TLCD3B: variants seen among roughly 807,000 people sequenced by gnomAD.
The protein encoded by TLCD3B is ceramide synthase.
A neutral mutation model predicts 23.0 loss-of-function variants in TLCD3B; 9 were observed. The ratio of observed to expected loss-of-function variants is 0.39; its 90% CI spans 0.24 to 0.68. TLCD3B has a LOEUF of 0.68. Ranked by LOEUF, TLCD3B falls within the 30% of genes least tolerant of loss-of-function variation. The pLI is 0.44. For synonymous variants in TLCD3B, 161 were observed against 161.0 expected (o/e 1.00, Z 0.00); for missense variants, 307 against 371.8 (o/e 0.83, Z 1.43).
At position 30,025,178 on chromosome 16, in the gene TLCD3B, C is replaced by T. The variant is rs1166945823; in HGVS notation, c.*5G>A. 5 of 1,442,804 alleles carry T rather than the reference C, an allele frequency of 3.5e-6. No homozygotes were observed. Among genetic ancestry groups the T allele is most frequent in the Admixed American group, 2.9e-5 (1 of 34,286 alleles). 89.4% of individuals were successfully genotyped at this position (1,442,804 alleles called of 1,614,324 possible). ...TGGGGAGGGGGAGGGTCCCGGCCCC[C>T]GGCCTCAGTCCTGGGCCTGGCAGGC... On this transcript the variant is annotated 3_prime_UTR_variant, in exon 5 of 5. Transcript: ENST00000380495. The surrounding 1 kb of genome is among the most constrained non-coding windows in gnomAD (Gnocchi z 4.1).
chr16:30,047,762 A>C (rs2071695909), intron 1 of TLCD3B, among the ~76,000 whole-genome samples: 1 of 108,384 alleles, frequency 9.2e-6, no homozygotes, highest in African/African-American at 3.7e-5. Context: ...CGTGGCCTAT[A>C]ATTTTTTTTT....
chr16:30,043,571 G>A (rs1367246717), intron 2 of TLCD3B, among the ~76,000 whole-genome samples: 1 of 152,066 alleles, frequency 6.6e-6, no homozygotes. Context: ...TTGAGGCACA[G>A]AGAGGTTGTG....
At position 30,030,499 on chromosome 16, in the gene TLCD3B, A is replaced by C. The variant is rs1596749912; in HGVS notation, c.29T>G (p.Val10Gly). Residue 10 changes from valine (V) to glycine (G), a missense_variant, in exon 1 of 5, where the codon GTG (valine) becomes GGG (glycine). By Grantham distance (109) the Val-to-Gly change is moderately radical. Transcript: ENST00000380495. MLTPMVAGG[V>G]VFPGLFLLSK... ...GAGGAGGAAGAGTCCGGGGAACACC[A>C]CCCCCCCGGCCACCATCGGGGTCAG... 2.5e-6 allele frequency: 4 copies of C among 1,583,496 alleles called. No homozygotes were observed. The highest frequency in any genetic ancestry group is 1.1e-5 in the South Asian group (1 of 87,172).
chr16:30,025,569 C>A lies in TLCD3B; in HGVS notation c.541-102G>T. 1 of 1,539,618 alleles carries A rather than the reference C, an allele frequency of 6.5e-7. No homozygotes were observed. Among genetic ancestry groups the A allele is most frequent in the South Asian group, 1.1e-5 (1 of 89,440 alleles). On this transcript the variant is annotated intron_variant, in intron 4 of 4. Transcript: ENST00000380495. This position sits in a 1 kb window ranked among gnomAD's most constrained non-coding sequence, Gnocchi z 4.1. The stretch of plus-strand genomic sequence containing the variant: ...ACCCTAGCAGGCAGCTCCTCCCAAA[C>A]CAGACACTTTGCCAGGACACAAGCA...
At chr16:30,039,921 G>T (rs1056613505) in intron 3 of TLCD3B, among the ~76,000 whole-genome samples, 21 of 151,764 alleles carry the variant, frequency 1.4e-4, no homozygotes, top group Non-Finnish European at 2.1e-4. Context: ...ATCACCTGAG[G>T]TCAGGAGTTC....
At chr16:30,051,208 A>C (rs2071743192) in intron 1 of TLCD3B, among the ~76,000 whole-genome samples, 1 of 151,968 alleles carries the variant, frequency 6.6e-6, no homozygotes, top group Admixed American at 6.6e-5. Flanking sequence ...TAGCCTGGCC[A>C]ACATAGTGAG....
chr16:30,035,544 C>A (rs997180157), upstream of TLCD3B: 5 of 1,267,896 alleles, frequency 3.9e-6, no homozygotes, highest in Non-Finnish European at 5.1e-6. Context: ...CCCTCAGACC[C>A]CCCAGCAGCC....
upstream of TLCD3B, among the ~76,000 whole-genome samples, chr16:30,034,277 CA>C (rs546583443): frequency 9.3e-4 from 137 of 146,788 alleles, 1 homozygote; most frequent in Non-Finnish European, 1.6e-3. Context: ...GACTCTGTCT[CA>C]AAAAAAAAGA....
rs1273216991 is a variant in TLCD3B, at chr16:30,030,848, G to A, written c.-321C>T. The A allele has an allele frequency of 2.1e-5, 22 of 1,037,124 alleles. No homozygotes were observed. The highest frequency in any genetic ancestry group is 4.4e-4 in the Middle Eastern group (1 of 2,258). The allele number at this position is 1,037,124 out of a possible 1,614,324, so 64.2% of individuals were successfully genotyped here. On this transcript the variant is annotated 5_prime_UTR_variant, in exon 1 of 5. Coordinates refer to ENST00000380495, the MANE Select transcript of TLCD3B (RefSeq NM_031478.6). ...CAGAGAGGAAGAGGGGACAGGAGGA[G>A]GAGGATGCGGATGGGGGAGGGGAGG...
chr16:30,028,895 C>T (rs2071263012), intron 2 of TLCD3B, among the ~76,000 whole-genome samples: 1 of 152,248 alleles, frequency 6.6e-6, no homozygotes, highest in Non-Finnish European at 1.5e-5. Context: ...TTTTTGGCAA[C>T]CACCAGACAC....
intron 3 of TLCD3B, among the ~76,000 whole-genome samples, chr16:30,040,180 C>T (rs2071559235): frequency 7.7e-6 from 1 of 129,676 alleles, no homozygotes; most frequent in Non-Finnish European, 1.6e-5. Flanking sequence ...ATGAAAAGAT[C>T]CTGAGCTGGG....
chr16:30,043,973 G>A (rs1198600322), intron 2 of TLCD3B, among the ~76,000 whole-genome samples: 2 of 150,856 alleles, frequency 1.3e-5, no homozygotes, highest in African/African-American at 4.9e-5. Context: ...GGGATTATAG[G>A]TGTGAACCAC....
At chr16:30,035,073 G>C, upstream of TLCD3B, 1 of 239,416 alleles carries the variant, frequency 4.2e-6, no homozygotes, top group South Asian at 4.6e-5. Context: ...CACCATACCT[G>C]GCTAATTTTT....
intron 1 of TLCD3B, among the ~76,000 whole-genome samples, chr16:30,050,754 C>A (rs1473850040): frequency 6.6e-6 from 1 of 152,174 alleles, no homozygotes; most frequent in Non-Finnish European, 1.5e-5. Flanking sequence ...GACACAGCCC[C>A]TGGCAGTTTC....
In TLCD3B at chr16:30,030,500, C is replaced by T. The variant is rs751360966; in HGVS notation, c.28G>A (p.Val10Met). Residue 10 changes from valine to methionine, a missense_variant, in exon 1 of 5, where the codon GTG becomes ATG. Physicochemically the swap from Val to Met is conservative, Grantham distance 21. Coordinates refer to ENST00000380495, the MANE Select transcript of TLCD3B (RefSeq NM_031478.6). MLTPMVAGG[V>M]VFPGLFLLSK... ...AGGAGGAAGAGTCCGGGGAACACCA[C>T]CCCCCCGGCCACCATCGGGGTCAGC... 8.2e-6 allele frequency: 13 copies of T among 1,581,282 alleles called. No individual in the cohort carries two copies. Among genetic ancestry groups the T allele is most frequent in the East Asian group, 2.3e-5 (1 of 43,656 alleles).
At chr16:30,040,147 A>AAAATATATATATATATATAT in intron 3 of TLCD3B, among the ~76,000 whole-genome samples, 2 of 95,898 alleles carry the variant, frequency 2.1e-5, no homozygotes, top group African/African-American at 8.7e-5. Context: ...AAAAAAAAAA[A>AAAATATATATATATATATAT]ATATATATAT....
chr16:30,030,508 G>A lies in TLCD3B; in HGVS notation c.20C>T (p.Ala7Val), dbSNP rs1370502296. The change falls in exon 1 of 5, where the codon GCC becomes GTC. Residue 7 changes from alanine to valine, a missense_variant. Coordinates refer to ENST00000380495, the MANE Select transcript of TLCD3B (RefSeq NM_031478.6). MLTPMV[A>V]GGVVFPGLFL... The stretch of plus-strand genomic sequence containing the variant: ...GAGTCCGGGGAACACCACCCCCCCG[G>A]CCACCATCGGGGTCAGCATGGTGGC... The A allele has an allele frequency of 3.1e-6, 5 of 1,591,450 alleles. No individual in the cohort carries two copies. The highest frequency in any genetic ancestry group is 4.3e-6 in the Non-Finnish European group (5 of 1,171,602).
At chr16:30,040,068 A>C (rs2071548585) in intron 3 of TLCD3B, among the ~76,000 whole-genome samples, 1 of 147,638 alleles carries the variant, frequency 6.8e-6, no homozygotes, top group Non-Finnish European at 1.5e-5. Flanking sequence ...CAGGAGGCGG[A>C]GGTTGCAGTG....
chr16:30,025,760 G>T lies in TLCD3B; in HGVS notation c.506C>A (p.Thr169Lys). ...LGCMLMAEVS[T>K]PFVCLGKILI... ...GATCTTGCCAAGGCAGACGAAGGGC[G>T]TGCTGACCTCTGCCATCAACATGCA... is the stretch of plus-strand genomic sequence containing the variant. The change falls in exon 4 of 5, where the codon ACG (threonine) becomes AAG (lysine). Residue 169 changes from threonine (T) to lysine (K), a missense_variant. Coordinates refer to ENST00000380495, the MANE Select transcript of TLCD3B (RefSeq NM_031478.6). This position sits in a 1 kb window ranked among gnomAD's most constrained non-coding sequence, Gnocchi z 4.1. 1 of 1,614,150 alleles carries T rather than the reference G, an allele frequency of 6.2e-7. No homozygotes were observed. The highest frequency in any genetic ancestry group is 2.2e-5 in the East Asian group (1 of 44,886).
Sources: allele counts gnomAD v4.1 joint callset (sites outside exome capture counted in the v4.1 genomes callset), GRCh38; gene constraint gnomAD v4.1.1; non-coding constraint Gnocchi (gnomAD v3.1); transcripts MANE v1.5; gene names NCBI Gene and HGNC (gene_info 2026-07-23, HGNC 2026-07-21).